RTN4: variants seen among roughly 807,000 people sequenced by gnomAD.
The protein encoded by RTN4 is reticulon 4.
RTN4 carries 32 observed loss-of-function variants against 90.4 expected under a neutral mutation model. That is an observed-to-expected ratio of 0.35 (90% CI 0.27 to 0.48). The LOEUF (loss-of-function observed/expected upper bound fraction) is 0.48. Among genes scored for constraint, RTN4 ranks in the 20% least tolerant of loss-of-function variants. The pLI is 0.99. For missense variants in RTN4, 1,706 were observed against 1,430.2 expected, an observed-to-expected ratio of 1.19 and a Z score of -3.11; for synonymous variants, 629 against 552.5, an observed-to-expected ratio of 1.14 and a Z score of -1.94.
At position 55,008,265 on chromosome 2, in the gene RTN4, T is replaced by C. The variant is rs1680385055; in HGVS notation, c.3013+16821A>G. On this transcript the variant is annotated intron_variant, in intron 3 of 8. Coordinates refer to ENST00000337526, the MANE Select transcript of RTN4 (RefSeq NM_020532.5). Reference sequence around the variant, plus strand: ...TCAGGGGGAGAATGCAGTAGAAAAATGCCTAAGTATATTTTTTAAATTTAC... The same window carrying C: ...TCAGGGGGAGAATGCAGTAGAAAAACGCCTAAGTATATTTTTTAAATTTAC... 2.0e-5 allele frequency among the ~76,000 whole-genome samples: 3 copies of C among 151,538 alleles called. No individual in the cohort carries two copies. In the South Asian group the frequency reaches 6.2e-4, roughly 32 times the overall value.
intron 1 of RTN4, 85 bp from the exon 2 acceptor site, chr2:55,028,305 A>G: frequency 8.2e-7 from 1 of 1,222,908 alleles, no homozygotes; most frequent in Non-Finnish European, 1.2e-6. Context: ...GCCAGGGTTC[A>G]GTTTGTAATA....
intron 3 of RTN4, among the ~76,000 whole-genome samples, chr2:55,011,754 G>A (rs115764983): frequency 0.022 from 3,282 of 152,022 alleles, 64 homozygotes; most frequent in South Asian, 0.034. Context: ...AAATGAGAGG[G>A]GAAAAAGGAA....
intron 1 of RTN4, among the ~76,000 whole-genome samples, chr2:55,036,478 T>G (rs1229091327): frequency 6.6e-6 from 1 of 151,692 alleles, no homozygotes; most frequent in African/African-American, 2.4e-5. Flanking sequence ...GGCGTGCACC[T>G]GTAGTCCCAG....
intron 1 of RTN4, among the ~76,000 whole-genome samples, chr2:55,110,774 C>G (rs752906469): frequency 6.6e-6 from 1 of 152,228 alleles, no homozygotes; most frequent in Non-Finnish European, 1.5e-5. Context: ...GGCACGGTAG[C>G]TCATGCCTAT....
chr2:55,005,126 T>C (rs908170790), intron 3 of RTN4, among the ~76,000 whole-genome samples: 1 of 152,192 alleles, frequency 6.6e-6, no homozygotes, highest in African/African-American at 2.4e-5. Context: ...GGCTAGGCCA[T>C]GGAATGCCTT....
At chr2:54,981,320 C>CTATT (rs1678109742) in intron 5 of RTN4, among the ~76,000 whole-genome samples, 1 of 151,226 alleles carries the variant, frequency 6.6e-6, no homozygotes, top group Admixed American at 6.6e-5. Flanking sequence ...GCACTTAAAC[C>CTATT]TATTCTGACC....
At position 55,050,032 on chromosome 2, in the gene RTN4, G is replaced by A; in HGVS notation, c.269C>T (p.Pro90Leu). 7.2e-7 allele frequency: 1 copy of A among 1,398,024 alleles called. No individual in the cohort carries two copies. Among genetic ancestry groups the A allele is most frequent in the Non-Finnish European group, 9.2e-7 (1 of 1,083,190 alleles). The allele number at this position is 1,398,024 out of a possible 1,614,324, so 86.6% of individuals were successfully genotyped here. A position where few individuals can be genotyped will look rare whatever the true frequency, so the allele number is the denominator to read the frequency against. The change falls in exon 1 of 9, where the codon CCC (proline) becomes CTC (leucine). Residue 90 changes from proline to leucine, a missense_variant. Pro to Leu is a moderately conservative substitution (Grantham distance 98). Coordinates refer to ENST00000337526, the MANE Select transcript of RTN4 (RefSeq NM_020532.5). This position sits in a 1 kb window ranked among gnomAD's most constrained non-coding sequence, Gnocchi z 4.6. ...GGGAGCGGCCGGCAGGGGTCCCCGG[G>A]GCGCCGGCGGCACGAAGTCATTTCC... Reference protein sequence around the residue: ...DFGNDFVPPAPRGPLPAAPPV... With the variant: ...DFGNDFVPPALRGPLPAAPPV...
upstream of RTN4, among the ~76,000 whole-genome samples, chr2:55,116,009 A>C (rs1224040825): frequency 6.6e-6 from 1 of 151,530 alleles, no homozygotes; most frequent in Non-Finnish European, 1.5e-5. Flanking sequence ...TGCATTCAAC[A>C]TGGCTACTGT....
intron 3 of RTN4, among the ~76,000 whole-genome samples, chr2:55,008,798 G>A (rs571179300): frequency 3.9e-5 from 6 of 152,190 alleles, no homozygotes; most frequent in Admixed American, 6.5e-5. Flanking sequence ...GCCCTGATAC[G>A]ACTTTTCACC....
chr2:55,049,248 G>A, intron 1 of RTN4: 1 of 854,284 alleles, frequency 1.2e-6, no homozygotes, highest in Non-Finnish European at 1.4e-6. Flanking sequence ...GAGGTGAGGA[G>A]GGAGCCCGGG....
At chr2:55,056,174 A>T (rs989342276) in intron 2 of RTN4, among the ~76,000 whole-genome samples, 2 of 152,202 alleles carry the variant, frequency 1.3e-5, no homozygotes, top group African/African-American at 4.8e-5. Flanking sequence ...GAGTAGCATG[A>T]TGAAATCTCA....
Position 55,049,911 on chromosome 2 carries a change from G to A in RTN4, c.390C>T (p.Pro130=). 1 of 1,335,186 alleles carries A rather than the reference G, an allele frequency of 7.5e-7. No homozygotes were observed. The highest frequency in any genetic ancestry group is 9.5e-7 in the Non-Finnish European group (1 of 1,048,704). 82.7% of individuals were successfully genotyped at this position (1,335,186 alleles called of 1,614,324 possible). Residue 130 remains proline (P), a synonymous_variant, in exon 1 of 9, where the codon CCC becomes CCT. Transcript: ENST00000337526. ...GCTCGTCGTCCTCAGGGAGCTTGGAGGGCGAGACTGCGGCAGCAGACAGCG... is the reference window on the plus strand; with the variant it reads ...GCTCGTCGTCCTCAGGGAGCTTGGAAGGCGAGACTGCGGCAGCAGACAGCG... ...PSPLSAAAVS[P]SKLPEDDEPP...
At chr2:55,091,995 G>A (rs935765364) in intron 1 of RTN4, among the ~76,000 whole-genome samples, 2 of 152,104 alleles carry the variant, frequency 1.3e-5, no homozygotes, top group African/African-American at 4.8e-5. Context: ...TGGGAATTCT[G>A]GGAGACACAA....
chr2:55,048,490 GCTT>G (rs1408249911), intron 1 of RTN4, among the ~76,000 whole-genome samples: 1 of 151,046 alleles, frequency 6.6e-6, no homozygotes, highest in Non-Finnish European at 1.5e-5. Context: ...TATTCTATAA[GCTT>G]TTTTCTATTT....
intron 6 of RTN4, chr2:54,974,131 A>C (rs1677399293): frequency 7.8e-6 from 3 of 385,848 alleles, no homozygotes; most frequent in South Asian, 6.2e-5. Context: ...AAATAAAGGT[A>C]TCCCTGGTTA....
At chr2:55,048,629 T>C (rs1364064971) in intron 1 of RTN4, among the ~76,000 whole-genome samples, 1 of 152,200 alleles carries the variant, frequency 6.6e-6, no homozygotes, top group African/African-American at 2.4e-5. Flanking sequence ...GGAGCCACCG[T>C]TGCAAATGCG....
intron 3 of RTN4, among the ~76,000 whole-genome samples, chr2:54,997,988 T>A (rs1480448112): frequency 4.6e-5 from 7 of 152,172 alleles, no homozygotes; most frequent in African/African-American, 1.4e-4. Flanking sequence ...TCTTAGAGTC[T>A]TACCCCTCAA....
chr2:55,062,827 G>A (rs1283010677), intron 2 of RTN4, among the ~76,000 whole-genome samples: 2 of 152,122 alleles, frequency 1.3e-5, no homozygotes, highest in East Asian at 3.8e-4. Flanking sequence ...GAAAATCCTT[G>A]CCTGATTCAA....
At chr2:55,004,582 T>C (rs1256860816) in intron 3 of RTN4, among the ~76,000 whole-genome samples, 1 of 152,150 alleles carries the variant, frequency 6.6e-6, no homozygotes, top group Non-Finnish European at 1.5e-5. Flanking sequence ...GGGGAATCCT[T>C]TTTCTAATTG....
Sources: gnomAD v4.1 joint callset for allele counts (sites outside exome capture counted in the v4.1 genomes callset) on GRCh38, gnomAD v4.1.1 for gene constraint, Gnocchi (gnomAD v3.1) non-coding constraint, MANE v1.5 for transcripts, NCBI Gene and HGNC (gene_info 2026-07-23, HGNC 2026-07-21) for gene names.